The following CTNNA3 variants were observed in gnomAD, a reference collection of about 807,000 sequenced individuals.
The protein encoded by CTNNA3 is catenin alpha-3.
A neutral mutation model predicts 95.7 loss-of-function variants in CTNNA3; 76 were observed. The ratio of observed to expected loss-of-function variants is 0.79; its 90% CI spans 0.66 to 0.96. The LOEUF (loss-of-function observed/expected upper bound fraction) is 0.96, where lower values mean the gene tolerates loss of function less well. Ranked by LOEUF, CTNNA3 falls within the 40% of genes least tolerant of loss-of-function variation. The pLI, the probability that CTNNA3 is intolerant of heterozygous loss-of-function variation, is 0.00. For missense variants in CTNNA3, 1,191 were observed against 1,089.8 expected, an observed-to-expected ratio of 1.09 and a Z score of -1.31; for synonymous variants, 431 against 374.4, an observed-to-expected ratio of 1.15 and a Z score of -1.74.
intron 1 of CTNNA3, among the ~76,000 whole-genome samples, chr10:67,746,400 G>A (rs1027771723): frequency 5.9e-5 from 9 of 152,182 alleles, no homozygotes; most frequent in South Asian, 2.1e-4. Context: ...GGAGTGGGGC[G>A]GAGCTGAGAT....
intron 1 of CTNNA3, among the ~76,000 whole-genome samples, chr10:67,676,805 A>G (rs1840543452): frequency 6.6e-6 from 1 of 152,154 alleles, no homozygotes; most frequent in Non-Finnish European, 1.5e-5. Context: ...CACAGAACCC[A>G]TGCCTTCAAC....
At position 66,653,608 on chromosome 10, in the gene CTNNA3, A is replaced by AAT. The variant is rs1482429867; in HGVS notation, c.1282-31826_1282-31825dup. ...CATAGCAATAGAAAAAAAATCCTAA[A>AAT]ATTCATATGCAAGCACAAAAGATGC... On this transcript the variant is annotated intron_variant, in intron 9 of 17. Coordinates refer to ENST00000433211, the MANE Select transcript of CTNNA3 (RefSeq NM_013266.4). Among the ~76,000 whole-genome samples, 2 of 152,094 alleles carry AAT rather than the reference A, an allele frequency of 1.3e-5. 1 individual carries two copies. Among genetic ancestry groups the AAT allele is most frequent in the African/African-American group, 4.8e-5 (2 of 41,430 alleles).
intron 5 of CTNNA3, among the ~76,000 whole-genome samples, chr10:67,378,380 G>A (rs1843774724): frequency 6.6e-6 from 1 of 151,998 alleles, no homozygotes; most frequent in African/African-American, 2.4e-5. Context: ...ACATAACCAG[G>A]TATGGTTATC....
In CTNNA3 at chr10:66,927,393, G is replaced by A. The variant is rs1373296306; in HGVS notation, c.1048-151869C>T. ...AACAGTTTCGGGGCTTGCGGAAGCT[G>A]CTGAGTTTACATTTACGGTCTAACT... is the stretch of plus-strand genomic sequence containing the variant. On this transcript the variant is annotated intron_variant, in intron 7 of 17. Transcript: ENST00000433211. This position sits in a 1 kb window ranked among gnomAD's most constrained non-coding sequence, Gnocchi z 4.7. 21 of 1,614,044 alleles carry A rather than the reference G, an allele frequency of 1.3e-5. No homozygotes were observed. Among genetic ancestry groups the A allele is most frequent in the Non-Finnish European group, 1.8e-5 (21 of 1,180,036 alleles).
chr10:67,225,224 C>T (rs1864847724), intron 5 of CTNNA3, among the ~76,000 whole-genome samples: 2 of 152,164 alleles, frequency 1.3e-5, no homozygotes, highest in Admixed American at 6.5e-5. Flanking sequence ...GCAAGACCCA[C>T]CCAAGGACAG....
intron 14 of CTNNA3, among the ~76,000 whole-genome samples, chr10:66,089,751 C>T (rs777141014): frequency 4.0e-5 from 6 of 148,928 alleles, no homozygotes; most frequent in Admixed American, 2.7e-4. Context: ...GAACCAGTAT[C>T]TCAGAGAAAT....
In CTNNA3 at chr10:67,193,915, T is replaced by A. The variant is rs192926666; in HGVS notation, c.844-13395A>T. Among the ~76,000 whole-genome samples the A allele has an allele frequency of 3.9e-5, 6 of 152,220 alleles. No homozygotes were observed. The East Asian group carries it at 1.2e-3, about 29-fold the overall frequency. ...CTACTTTCCACAATGGTTGAACTAA[T>A]TTAGGCTCCCACTAGCTGTGTATAA... is the stretch of plus-strand genomic sequence containing the variant. On this transcript the variant is annotated intron_variant, in intron 6 of 17. Transcript: ENST00000433211.
intron 5 of CTNNA3, among the ~76,000 whole-genome samples, chr10:67,282,532 T>C (rs1839439907): frequency 6.6e-6 from 1 of 152,256 alleles, no homozygotes; most frequent in South Asian, 2.1e-4. Flanking sequence ...AACCTAAGTC[T>C]ACTTTTATGT....
At chr10:67,718,388 C>T (rs1301770232) in intron 1 of CTNNA3, among the ~76,000 whole-genome samples, 1 of 152,138 alleles carries the variant, frequency 6.6e-6, no homozygotes, top group Admixed American at 6.6e-5. Flanking sequence ...TTGTCTTGTG[C>T]CAGTTTTCAA....
intron 17 of CTNNA3, among the ~76,000 whole-genome samples, chr10:65,954,084 G>C (rs1373575173): frequency 6.6e-6 from 1 of 152,148 alleles, no homozygotes; most frequent in African/African-American, 2.4e-5. Context: ...CATTCTAACT[G>C]GTGTGAGATG....
chr10:66,096,476 T>C (rs1037327521), intron 14 of CTNNA3, among the ~76,000 whole-genome samples: 1 of 152,014 alleles, frequency 6.6e-6, no homozygotes, highest in Non-Finnish European at 1.5e-5. Context: ...ATTATACATC[T>C]AGAAAAATTA....
rs1843797009 is a variant in CTNNA3 at position 67,378,791 on chromosome 10, C to T, written c.579+143051G>A. Reference sequence around the variant, plus strand: ...ATATATACACAATGGTGTATATATACCACATTTTTTATTTAATAGATCATT... The same window carrying T: ...ATATATACACAATGGTGTATATATATCACATTTTTTATTTAATAGATCATT... On this transcript the variant is annotated intron_variant, in intron 5 of 17. Transcript: ENST00000433211. 2.0e-5 allele frequency among the ~76,000 whole-genome samples: 3 copies of T among 151,974 alleles called. No individual in the cohort carries two copies. The South Asian group carries it at 6.2e-4, about 32-fold the overall frequency.
intron 9 of CTNNA3, among the ~76,000 whole-genome samples, chr10:66,705,617 G>GT (rs1289780833): frequency 6.6e-6 from 1 of 152,002 alleles, no homozygotes. Context: ...AGATTGAGGT[G>GT]TTGACATCTC....
chr10:67,528,672 A>G (rs1387784879), intron 4 of CTNNA3, among the ~76,000 whole-genome samples: 3 of 152,192 alleles, frequency 2.0e-5, no homozygotes, highest in Admixed American at 6.5e-5. Context: ...TTGTTAATTT[A>G]CTTTTTATCT....
intron 9 of CTNNA3, among the ~76,000 whole-genome samples, chr10:66,708,512 A>T (rs369913551): frequency 1.3e-5 from 2 of 151,942 alleles, no homozygotes; most frequent in African/African-American, 4.8e-5. Context: ...TTTTGTCTCA[A>T]TTACCCCTTG....
chr10:65,925,340 CA>C (rs1352302119), intron 17 of CTNNA3, among the ~76,000 whole-genome samples: 1 of 152,302 alleles, frequency 6.6e-6, no homozygotes, highest in Non-Finnish European at 1.5e-5. Context: ...TTCTATCTTT[CA>C]TTCTTATCCA....
At chr10:66,762,839 G>C (rs1190028289) in intron 9 of CTNNA3, among the ~76,000 whole-genome samples, 1 of 151,968 alleles carries the variant, frequency 6.6e-6, no homozygotes, top group Non-Finnish European at 1.5e-5. Context: ...TTTCTTCAAA[G>C]ACTTGATAGA....
chr10:66,399,162 C>A (rs74141476), intron 11 of CTNNA3, among the ~76,000 whole-genome samples: 2,796 of 151,930 alleles, frequency 0.018, 85 homozygotes, highest in African/African-American at 0.064. Context: ...TTTCTTCATA[C>A]AATTTCAAAT....
rs184737794 is a variant in CTNNA3 at position 66,374,847 on chromosome 10, C to A, written c.1732+4305G>T. 9.1e-4 allele frequency among the ~76,000 whole-genome samples: 138 copies of A among 151,994 alleles called. 1 individual carries two copies. The highest frequency in any genetic ancestry group is 3.0e-3 in the African/African-American group (125 of 41,472). On this transcript the variant is annotated intron_variant, in intron 12 of 17. Transcript: ENST00000433211. ...GGCCAGGCTGGTCTTGAACTCCTGACCTCATGATCCTCCCGCCTTGGCCTC... is the reference window on the plus strand; with the variant it reads ...GGCCAGGCTGGTCTTGAACTCCTGAACTCATGATCCTCCCGCCTTGGCCTC...
Sources: allele counts gnomAD v4.1 joint callset (sites outside exome capture counted in the v4.1 genomes callset), GRCh38; gene constraint gnomAD v4.1.1; non-coding constraint Gnocchi (gnomAD v3.1); transcripts MANE v1.5; gene names NCBI Gene and HGNC (gene_info 2026-07-23, HGNC 2026-07-21).